The following SUSD1 variants were observed in gnomAD, a reference collection of about 807,000 sequenced individuals.
SUSD1 encodes sushi domain containing 1.
Under a neutral mutation model 86.9 loss-of-function variants are expected in SUSD1, and 65 were observed. The observed-to-expected ratio is 0.75, with a 90% CI of 0.61 to 0.92. The LOEUF (loss-of-function observed/expected upper bound fraction) is 0.92, where lower values mean the gene tolerates loss of function less well. Among genes scored for constraint, SUSD1 ranks in the 40% least tolerant of loss-of-function variants. SUSD1 has a pLI of 0.00. For missense variants in SUSD1, 850 were observed against 929.7 expected (o/e 0.91, Z 1.11); for synonymous variants, 346 against 350.0 (o/e 0.99, Z 0.13).
chr9:112,121,781 T>G (rs1201663107), intron 6 of SUSD1, among the ~76,000 whole-genome samples: 5 of 152,204 alleles, frequency 3.3e-5, no homozygotes, highest in African/African-American at 1.2e-4. Flanking sequence ...CAGCCAGAAA[T>G]ATATTCCCAG....
intron 5 of SUSD1, among the ~76,000 whole-genome samples, chr9:112,126,611 C>A (rs967473950): frequency 6.6e-6 from 1 of 152,042 alleles, no homozygotes; most frequent in Non-Finnish European, 1.5e-5. Context: ...TTGAACAATC[C>A]CTCAGCAAGA....
At chr9:112,053,600 A>G (rs1828321527) in intron 14 of SUSD1, among the ~76,000 whole-genome samples, 1 of 152,034 alleles carries the variant, frequency 6.6e-6, no homozygotes, top group African/African-American at 2.4e-5. Flanking sequence ...CTTTGATGCT[A>G]AGTGCAGATA....
At chr9:112,155,593 G>GA (rs2131813440) in intron 2 of SUSD1, among the ~76,000 whole-genome samples, 1 of 152,002 alleles carries the variant, frequency 6.6e-6, no homozygotes, top group South Asian at 2.1e-4. Flanking sequence ...TTTTTTTTTG[G>GA]TTTTTTTGTT....
chr9:112,061,224 C>A (rs999005974), intron 13 of SUSD1, among the ~76,000 whole-genome samples: 29 of 152,120 alleles, frequency 1.9e-4, no homozygotes, highest in Admixed American at 1.9e-3. Context: ...CATTATGTAC[C>A]CCAAGACACT....
intron 5 of SUSD1, among the ~76,000 whole-genome samples, chr9:112,132,388 A>T (rs1359171318): frequency 2.6e-5 from 4 of 152,238 alleles, no homozygotes; most frequent in Non-Finnish European, 5.9e-5. Context: ...AAAAATAAGC[A>T]AGTGTTATAT....
At chr9:112,156,180 C>A (rs1044873549) in intron 2 of SUSD1, among the ~76,000 whole-genome samples, 1 of 150,580 alleles carries the variant, frequency 6.6e-6, no homozygotes, top group Non-Finnish European at 1.5e-5. Flanking sequence ...AAAAAACTCA[C>A]TGGCCGGGCG....
At chr9:112,142,205 G>A in intron 5 of SUSD1, 115 bp downstream of exon 5, 1 of 834,220 alleles carries the variant, frequency 1.2e-6, no homozygotes, top group South Asian at 3.4e-5. Flanking sequence ...GAAACAAATA[G>A]GAATTTTAAA....
chr9:112,134,800 G>A (rs1412092870), intron 5 of SUSD1, among the ~76,000 whole-genome samples: 1 of 151,980 alleles, frequency 6.6e-6, no homozygotes, highest in Non-Finnish European at 1.5e-5. Flanking sequence ...AGGCACGGTG[G>A]CTCACCCCTG....
At chr9:112,071,193 GCTCCCAC>G (rs944241806) in intron 12 of SUSD1, among the ~76,000 whole-genome samples, 1 of 152,142 alleles carries the variant, frequency 6.6e-6, no homozygotes, top group African/African-American at 2.4e-5. Flanking sequence ...AGGTGCAGTG[GCTCCCAC>G]CTATAATCCT....
Position 112,147,249 on chromosome 9 carries a change from G to A in SUSD1, c.373+1995C>T, listed in dbSNP as rs182555233. Among the ~76,000 whole-genome samples the A allele has an allele frequency of 2.5e-3, 375 of 152,296 alleles. 1 individual carries two copies. Among genetic ancestry groups the A allele is most frequent in the South Asian group, 5.4e-3 (26 of 4,808 alleles). On this transcript the variant is annotated intron_variant, in intron 3 of 16. Transcript: ENST00000374270. ...AGGCCAGGCGTGGTGGCTCACGTCTGTAATCCCAGCACTTTGGGAGGCCGA... is the reference window on the plus strand; with the variant it reads ...AGGCCAGGCGTGGTGGCTCACGTCTATAATCCCAGCACTTTGGGAGGCCGA...
chr9:112,094,921 T>G (rs1045474413), intron 10 of SUSD1, among the ~76,000 whole-genome samples: 1 of 152,200 alleles, frequency 6.6e-6, no homozygotes, highest in Admixed American at 6.5e-5. Context: ...AGTTTCAAGG[T>G]GGCATTGTTT....
At chr9:112,149,962 A>C (rs1394382173) in intron 2 of SUSD1, among the ~76,000 whole-genome samples, 2 of 152,236 alleles carry the variant, frequency 1.3e-5, no homozygotes, top group Admixed American at 1.3e-4. Context: ...CTCAGTGCAG[A>C]GGCCTGGAAC....
At chr9:112,112,643 AT>A (rs1831151468) in intron 7 of SUSD1, 127 bp downstream of exon 7, 24 of 632,680 alleles carry the variant, frequency 3.8e-5, no homozygotes, top group East Asian at 5.9e-5. Flanking sequence ...CACAAAAAAA[AT>A]AAAAGAAAAA....
chr9:112,046,127 A>G (rs1827946787), intron 15 of SUSD1, among the ~76,000 whole-genome samples: 1 of 152,236 alleles, frequency 6.6e-6, no homozygotes, highest in African/African-American at 2.4e-5. Flanking sequence ...CTTTTTGTCT[A>G]CTTTGCATAT....
chr9:112,043,584 T>C (rs1827835032), intron 15 of SUSD1, among the ~76,000 whole-genome samples: 1 of 152,146 alleles, frequency 6.6e-6, no homozygotes. Context: ...CTGTGTGAAT[T>C]AAGCTCTTTA....
chr9:112,085,552 A>G (rs1564281409), intron 10 of SUSD1, among the ~76,000 whole-genome samples: 2 of 152,366 alleles, frequency 1.3e-5, no homozygotes, highest in Non-Finnish European at 2.9e-5. Flanking sequence ...ATCTGACTCC[A>G]GAGGAACTGT....
chr9:112,154,602 G>C (rs1485329677), intron 2 of SUSD1, among the ~76,000 whole-genome samples: 1 of 152,130 alleles, frequency 6.6e-6, no homozygotes, highest in Admixed American at 6.6e-5. Flanking sequence ...GCCATAGTTA[G>C]GCCAAGTGTC....
At chr9:112,049,554 T>G (rs968520147) in intron 15 of SUSD1, among the ~76,000 whole-genome samples, 1 of 152,224 alleles carries the variant, frequency 6.6e-6, no homozygotes, top group Non-Finnish European at 1.5e-5. Flanking sequence ...AGGGGCAATA[T>G]GCAAAAGGTA....
At chr9:112,171,554 G>A (rs10817276) in intron 1 of SUSD1, among the ~76,000 whole-genome samples, 49,379 of 151,962 alleles carry the variant, frequency 0.32, 8,429 homozygotes, top group Admixed American at 0.4. Flanking sequence ...TAGTGGCAAC[G>A]GACTTCCTAG....
Sources: allele counts gnomAD v4.1 joint callset (sites outside exome capture counted in the v4.1 genomes callset), GRCh38; gene constraint gnomAD v4.1.1; transcripts MANE v1.5; gene names NCBI Gene and HGNC (gene_info 2026-07-23, HGNC 2026-07-21).